Variants in TOR1AIP1 observed in about 807,000 individuals in gnomAD.
TOR1AIP1 encodes torsin 1A interacting protein 1.
A neutral mutation model predicts 63.3 loss-of-function variants in TOR1AIP1; 54 were observed. The ratio of observed to expected loss-of-function variants is 0.85; its 90% CI spans 0.69 to 1.07. The LOEUF (loss-of-function observed/expected upper bound fraction) is 1.07. Among genes scored for constraint, TOR1AIP1 ranks in the 50% least tolerant of loss-of-function variants. The probability of loss-of-function intolerance (pLI) is 0.00; values close to 1 mark genes in which losing one functional copy is unlikely to be tolerated. For missense variants in TOR1AIP1, 736 were observed against 715.0 expected, an observed-to-expected ratio of 1.03 and a Z score of -0.33; for synonymous variants, 294 against 273.5, an observed-to-expected ratio of 1.07 and a Z score of -0.74.
In TOR1AIP1 at chr1:179,893,268, A is replaced by AC. The variant is rs200565783; in HGVS notation, c.610+3899_610+3900insC. Among the ~76,000 whole-genome samples the AC allele has an allele frequency of 3.6e-3, 520 of 143,822 alleles. 6 individuals carry two copies. In the East Asian group the frequency reaches 0.047, roughly 13 times the overall value. The allele number at this position is 143,822 out of a possible 152,430, so 94.4% of individuals were successfully genotyped here. On this transcript the variant is annotated intron_variant, in intron 3 of 9. Coordinates refer to ENST00000606911, the MANE Select transcript of TOR1AIP1 (RefSeq NM_015602.4). The stretch of plus-strand genomic sequence containing the variant: ...CAAAAACAAACAAACAAACAAACAA[A>AC]AAAAAAAAAGTGACATTTTTCAATT...
chr1:179,894,812 GTT>G (rs1648214947), intron 3 of TOR1AIP1, among the ~76,000 whole-genome samples: 1 of 152,202 alleles, frequency 6.6e-6, no homozygotes. Context: ...AGTAAGCCAA[GTT>G]TATGTTTTCT....
chr1:179,904,948 GT>G (rs1208224501), intron 6 of TOR1AIP1, among the ~76,000 whole-genome samples: 1 of 152,038 alleles, frequency 6.6e-6, no homozygotes, highest in African/African-American at 2.4e-5. Context: ...TGTTACTACT[GT>G]TTTTTTCTTT....
chr1:179,910,793 C>T (rs1648809653), intron 8 of TOR1AIP1, among the ~76,000 whole-genome samples: 1 of 152,146 alleles, frequency 6.6e-6, no homozygotes, highest in African/African-American at 2.4e-5. Context: ...ACTGTACATT[C>T]TGAGTAATTA....
intron 7 of TOR1AIP1, 49 bp downstream of exon 7, chr1:179,907,913 C>CTTTTTTTTTTTTTTTT: frequency 1.7e-5 from 6 of 356,766 alleles, no homozygotes; most frequent in Admixed American, 7.9e-5. Flanking sequence ...ATTCTTTTCT[C>CTTTTTTTTTTTTTTTT]TTTTTTTTTT....
At chr1:179,911,982 TCTTTTTTTTTTTC>T (rs1648850267) in intron 8 of TOR1AIP1, among the ~76,000 whole-genome samples, 1 of 111,432 alleles carries the variant, frequency 9.0e-6, no homozygotes, top group Non-Finnish European at 2.0e-5. Context: ...TTTCTTTTTT[TCTTTTTTTTTTTC>T]TTTTTTCTTT....
At chr1:179,903,027 A>G (rs1648515625) in intron 5 of TOR1AIP1, among the ~76,000 whole-genome samples, 1 of 151,994 alleles carries the variant, frequency 6.6e-6, no homozygotes, top group Non-Finnish European at 1.5e-5. Flanking sequence ...AAATATGGGC[A>G]CTTCACCTTT....
intron 9 of TOR1AIP1, among the ~76,000 whole-genome samples, chr1:179,916,404 G>A (rs1648990300): frequency 6.6e-6 from 1 of 152,112 alleles, no homozygotes; most frequent in Admixed American, 6.6e-5. Flanking sequence ...GCTCTAAAAG[G>A]TCCCTACTAA....
chr1:179,900,719 T>C (rs1057455426), intron 4 of TOR1AIP1, among the ~76,000 whole-genome samples: 3 of 152,244 alleles, frequency 2.0e-5, no homozygotes, highest in African/African-American at 7.2e-5. Context: ...ATCTTTTGTC[T>C]ATTTGGGTTC....
Position 179,919,802 on chromosome 1 carries a change from G to A in TOR1AIP1, c.*1563G>A, listed in dbSNP as rs1230575373. 1.3e-5 allele frequency: 2 copies of A among 152,152 alleles called. No individual in the cohort carries two copies. The highest frequency in any genetic ancestry group is 6.5e-5 in the Admixed American group (1 of 15,280). The allele number at this position is 152,152 out of a possible 1,614,324, so 9.4% of individuals were successfully genotyped here. ...TCTAGTACTACCAGTATTCATAAAT[G>A]TATACCCCTTACTGTAATTTGTTCC... On this transcript the variant is annotated 3_prime_UTR_variant, in exon 10 of 10. Transcript: ENST00000606911.
intron 6 of TOR1AIP1, 122 bp from the exon 7 acceptor site, chr1:179,907,701 G>A (rs966297176): frequency 2.9e-5 from 13 of 447,472 alleles, no homozygotes; most frequent in Non-Finnish European, 4.7e-5. Context: ...ATTGATGAGA[G>A]AATGTTTTTT....
At chr1:179,916,706 T>C (rs893954253) in intron 9 of TOR1AIP1, among the ~76,000 whole-genome samples, 10 of 138,788 alleles carry the variant, frequency 7.2e-5, no homozygotes, top group African/African-American at 2.4e-4. Context: ...TTTTCTTTTT[T>C]TTTTTTTTTT....
At chr1:179,883,114 G>T in intron 1 of TOR1AIP1, 137 bp downstream of exon 1, 1 of 816,266 alleles carries the variant, frequency 1.2e-6, no homozygotes, top group Non-Finnish European at 1.9e-6. Flanking sequence ...GCCCCCTCTG[G>T]ACTTGTGCCG....
chr1:179,889,517 C>A, intron 3 of TOR1AIP1, 148 bp downstream of exon 3: 1 of 528,480 alleles, frequency 1.9e-6, no homozygotes, highest in Non-Finnish European at 3.1e-6. Flanking sequence ...TGTCATTCAG[C>A]CAGCCAGTCT....
Position 179,907,866 on chromosome 1 carries a change from T to TA in TOR1AIP1, c.838+4dup, listed in dbSNP as rs1558045053. 6.4e-7 allele frequency: 1 copy of TA among 1,567,970 alleles called. No individual in the cohort carries two copies. The highest frequency in any genetic ancestry group is 8.7e-7 in the Non-Finnish European group (1 of 1,155,352). ...ATGATAAGCAACCTTCAGTGCTAAGTAAGTAGTTGGTTGTCTGCTCTTTTT... is the reference window on the plus strand; with the variant it reads ...ATGATAAGCAACCTTCAGTGCTAAGTAAAGTAGTTGGTTGTCTGCTCTTTTT... On this transcript the variant is annotated splice_region_variant and intron_variant, in intron 7 of 9. Transcript: ENST00000606911.
At chr1:179,883,880 C>G (rs1430454137) in intron 1 of TOR1AIP1, 1 of 302,252 alleles carries the variant, frequency 3.3e-6, no homozygotes, top group Non-Finnish European at 6.5e-6. Context: ...TCATGTTAAT[C>G]CCATGTAAGG....
chr1:179,891,925 C>T (rs1335833176), intron 3 of TOR1AIP1, among the ~76,000 whole-genome samples: 2 of 152,160 alleles, frequency 1.3e-5, no homozygotes, highest in Middle Eastern at 3.2e-3. Context: ...GTGTCCTTTG[C>T]TGTAATACGT....
intron 2 of TOR1AIP1, among the ~76,000 whole-genome samples, chr1:179,886,117 A>G (rs549642498): frequency 2.6e-4 from 40 of 152,224 alleles, no homozygotes; most frequent in Non-Finnish European, 1.0e-4. Flanking sequence ...TTGAATAATG[A>G]TGATATAATC....
At chr1:179,900,888 T>C (rs1426450867) in intron 4 of TOR1AIP1, among the ~76,000 whole-genome samples, 1 of 152,174 alleles carries the variant, frequency 6.6e-6, no homozygotes, top group Non-Finnish European at 1.5e-5. Flanking sequence ...AGAATGTTTG[T>C]GTGCAGGTGT....
chr1:179,885,400 C>A (rs1298927935), intron 2 of TOR1AIP1, among the ~76,000 whole-genome samples: 1 of 152,174 alleles, frequency 6.6e-6, no homozygotes, highest in Non-Finnish European at 1.5e-5. Context: ...ATCAATGTAA[C>A]ATGGAAGTAG....
Sources: gnomAD v4.1 joint callset for allele counts (sites outside exome capture counted in the v4.1 genomes callset) on GRCh38, gnomAD v4.1.1 for gene constraint, MANE v1.5 for transcripts, NCBI Gene and HGNC (gene_info 2026-07-23, HGNC 2026-07-21) for gene names.